The following SYNPO2 variants were observed in gnomAD, a reference collection of about 807,000 sequenced individuals.
SYNPO2 encodes synaptopodin-2.
SYNPO2 carries 56 observed loss-of-function variants against 85.0 expected under a neutral mutation model. The observed-to-expected ratio is 0.66, with a 90% CI of 0.53 to 0.82. The LOEUF is 0.82. Ranked by LOEUF, SYNPO2 falls within the 40% of genes least tolerant of loss-of-function variation. The probability of loss-of-function intolerance (pLI) is 0.00; values close to 1 mark genes in which losing one functional copy is unlikely to be tolerated. For missense variants in SYNPO2, 1,575 were observed against 1,534.2 expected (o/e 1.03, Z -0.44); for synonymous variants, 602 against 591.1 (o/e 1.02, Z -0.27).
chr4:118,961,307 G>C (rs538845550), intron 1 of SYNPO2, among the ~76,000 whole-genome samples: 36 of 152,184 alleles, frequency 2.4e-4, no homozygotes, highest in African/African-American at 8.7e-4. Flanking sequence ...GATTCCACAG[G>C]AGCTGAGATC....
chr4:118,991,131 C>T (rs7437916), intron 1 of SYNPO2, among the ~76,000 whole-genome samples: 52,562 of 151,902 alleles, frequency 0.35, 9,173 homozygotes, highest in Admixed American at 0.4. Flanking sequence ...CTTTTTAGTG[C>T]GTGACCACTT....
intron 1 of SYNPO2, among the ~76,000 whole-genome samples, chr4:119,007,237 TATATATATGTATATAC>T (rs57418943): frequency 3.5e-3 from 183 of 52,544 alleles, no homozygotes; most frequent in African/African-American, 4.2e-3. Context: ...TATATATATA[TATATATATGTATATAC>T]ATATATATAT....
At chr4:118,970,684 C>G (rs1408268272) in intron 1 of SYNPO2, among the ~76,000 whole-genome samples, 1 of 152,178 alleles carries the variant, frequency 6.6e-6, no homozygotes, top group East Asian at 1.9e-4. Flanking sequence ...TATCCAATTA[C>G]TGCCAAAATA....
At chr4:119,020,537 C>T (rs1181837489) in intron 1 of SYNPO2, among the ~76,000 whole-genome samples, 1 of 152,102 alleles carries the variant, frequency 6.6e-6, no homozygotes, top group Non-Finnish European at 1.5e-5. Context: ...GTTTAAAACT[C>T]AGACAACTCA....
intron 4 of SYNPO2, chr4:119,043,345 G>A (rs1423786557): frequency 6.6e-6 from 1 of 152,130 alleles, no homozygotes; most frequent in East Asian, 1.9e-4. Flanking sequence ...CATATCCATA[G>A]CAGTTAAGAG....
At chr4:118,869,302 G>A (rs1382741658) in intron 1 of SYNPO2, among the ~76,000 whole-genome samples, 3 of 152,058 alleles carry the variant, frequency 2.0e-5, no homozygotes, top group African/African-American at 7.2e-5. Context: ...AGGTGATCCT[G>A]CCTTGGCCTC....
chr4:118,904,063 C>T lies in SYNPO2; in HGVS notation c.105+14922C>T, dbSNP rs193285465. 3.9e-3 allele frequency among the ~76,000 whole-genome samples: 599 copies of T among 152,148 alleles called. 3 individuals are homozygous for T. The highest frequency in any genetic ancestry group is 6.4e-3 in the Non-Finnish European group (432 of 68,008). On this transcript the variant is annotated intron_variant, in intron 1 of 4. Coordinates refer to ENST00000307142, the MANE Select transcript of SYNPO2 (RefSeq NM_133477.3). ...AAATACCTCAAGCTGTAATTAATTG[C>T]ATATAATTCTGTTGAGCTCTATTTA...
chr4:119,036,929 G>A lies in SYNPO2; in HGVS notation c.3252+4902G>A, dbSNP rs1009230658. 6 of 1,204,234 alleles carry A rather than the reference G, an allele frequency of 5.0e-6. No individual in the cohort carries two copies. The African/African-American group carries it at 7.9e-5, about 16-fold the overall frequency. 74.6% of individuals were successfully genotyped at this position (1,204,234 alleles called of 1,614,324 possible). On this transcript the variant is annotated intron_variant, in intron 4 of 4. Transcript: ENST00000307142. ...TGCCAGCCAATAAAGTGCATCCCAA[G>A]TATACAGGGGAGAAAGCTAGACTCC...
chr4:118,879,355 C>A (rs78851363), intron 1 of SYNPO2, among the ~76,000 whole-genome samples: 1 of 152,144 alleles, frequency 6.6e-6, no homozygotes, highest in African/African-American at 2.4e-5. Context: ...TTTGTCTCCC[C>A]TGAAATTCAT....
At chr4:118,891,118 A>G (rs949601531) in intron 1 of SYNPO2, among the ~76,000 whole-genome samples, 2 of 152,164 alleles carry the variant, frequency 1.3e-5, no homozygotes, top group African/African-American at 4.8e-5. Context: ...TTCAGGATTC[A>G]GTAAGGTTGT....
At chr4:118,934,848 A>G (rs1734047906) in intron 1 of SYNPO2, among the ~76,000 whole-genome samples, 2 of 152,194 alleles carry the variant, frequency 1.3e-5, no homozygotes, top group South Asian at 2.1e-4. Context: ...TGAACTGTTC[A>G]GTTTGGCAAA....
chr4:119,026,693 A>G lies in SYNPO2; in HGVS notation c.324A>G (p.Thr108=), dbSNP rs1737957720. The change falls in exon 3 of 5, where the codon ACA becomes ACG. Residue 108 remains threonine (T), a synonymous_variant. Transcript: ENST00000307142. ...AAAACAAAAACCTCGAGCATCTCAC[A>G]CATGGGGGTTATGTGGAAAGTACCA... ...ENENKNLEHL[T]HGGYVESTTL... 1.4e-5 allele frequency: 22 copies of G among 1,613,920 alleles called. No homozygotes were observed. Among genetic ancestry groups the G allele is most frequent in the Non-Finnish European group, 1.7e-5 (20 of 1,179,986 alleles).
At chr4:118,931,248 G>A (rs1036592865) in intron 1 of SYNPO2, among the ~76,000 whole-genome samples, 31 of 152,072 alleles carry the variant, frequency 2.0e-4, no homozygotes, top group African/African-American at 7.0e-4. Flanking sequence ...AGGATTGAGG[G>A]GTCTATGACT....
chr4:119,045,271 G>A (rs1738839805), intron 4 of SYNPO2, among the ~76,000 whole-genome samples: 1 of 152,146 alleles, frequency 6.6e-6, no homozygotes. Flanking sequence ...TGCTTACCAT[G>A]TGCCAGGTAC....
intron 1 of SYNPO2, among the ~76,000 whole-genome samples, chr4:118,944,418 T>G (rs1560894642): frequency 6.6e-6 from 1 of 151,988 alleles, no homozygotes; most frequent in African/African-American, 2.4e-5. Context: ...ATATCTACAG[T>G]AAAAATAAAG....
intron 1 of SYNPO2, among the ~76,000 whole-genome samples, chr4:118,985,449 A>G (rs1736184053): frequency 6.6e-6 from 1 of 152,224 alleles, no homozygotes; most frequent in African/African-American, 2.4e-5. Context: ...CTCAGACTTC[A>G]ACAATAATCT....
At chr4:118,952,889 TA>T (rs1479400618) in intron 1 of SYNPO2, among the ~76,000 whole-genome samples, 1 of 152,172 alleles carries the variant, frequency 6.6e-6, no homozygotes, top group Admixed American at 6.6e-5. Context: ...ATTATTATGA[TA>T]CCAATTTTCT....
chr4:119,037,329 G>A, intron 4 of SYNPO2: 1 of 1,259,576 alleles, frequency 7.9e-7, no homozygotes, highest in Non-Finnish European at 1.0e-6. Context: ...GATTGTACTT[G>A]GCCCTGAGTT....
At position 119,058,962 on chromosome 4, in the gene SYNPO2, A is replaced by T. The variant is rs1396507278; in HGVS notation, c.*1028A>T. On this transcript the variant is annotated 3_prime_UTR_variant, in exon 5 of 5. Coordinates refer to ENST00000307142, the MANE Select transcript of SYNPO2 (RefSeq NM_133477.3). ...AGATATATGCCTGTGACAGGAATAG[A>T]TTCTGGGTTCAGGGGTCCCCATCTG... 1 of 152,224 alleles carries T rather than the reference A, an allele frequency of 6.6e-6. No homozygotes were observed. Among genetic ancestry groups the T allele is most frequent in the African/African-American group, 2.4e-5 (1 of 41,462 alleles). The allele number at this position is 152,224 out of a possible 1,614,324, so 9.4% of individuals were successfully genotyped here.
Sources: allele counts gnomAD v4.1 joint callset (sites outside exome capture counted in the v4.1 genomes callset), GRCh38; gene constraint gnomAD v4.1.1; transcripts MANE v1.5; gene names NCBI Gene and HGNC (gene_info 2026-07-23, HGNC 2026-07-21).